Variants in RADIL observed in about 807,000 individuals in gnomAD.
RADIL encodes ras-associating and dilute domain-containing protein.
A neutral mutation model predicts 97.6 loss-of-function variants in RADIL; 99 were observed. The observed-to-expected ratio is 1.01, with a 90% confidence interval of 0.86 to 1.20. The LOEUF (loss-of-function observed/expected upper bound fraction) is 1.20. Ranked by LOEUF, RADIL falls within the 50% of genes most tolerant of loss-of-function variation. The pLI is 0.00. For missense variants in RADIL, 1,765 were observed against 1,498.9 expected (o/e 1.18, Z -2.93); for synonymous variants, 803 against 691.8 (o/e 1.16, Z -2.52).
At chr7:4,848,860 C>T (rs972915443) in intron 2 of RADIL, among the ~76,000 whole-genome samples, 19 of 152,008 alleles carry the variant, frequency 1.2e-4, no homozygotes, top group African/African-American at 1.9e-4. Flanking sequence ...GGAATTAGGC[C>T]GGGCATGGTG....
chr7:4,805,051 A>G (rs1333684190), intron 10 of RADIL, among the ~76,000 whole-genome samples: 6 of 150,944 alleles, frequency 4.0e-5, no homozygotes, highest in South Asian at 2.1e-4. Context: ...CTGAGATTGC[A>G]CCACTGCACT....
At chr7:4,865,945 G>C (rs1184161261) in intron 2 of RADIL, 4 of 579,158 alleles carry the variant, frequency 6.9e-6, no homozygotes, top group Non-Finnish European at 1.2e-5. Context: ...ATGTAACCTA[G>C]GAGCAATAGG....
intron 9 of RADIL, among the ~76,000 whole-genome samples, chr7:4,808,433 T>C (rs1349177314): frequency 1.3e-5 from 2 of 152,214 alleles, no homozygotes; most frequent in Admixed American, 1.3e-4. Context: ...TCTCCTTGAA[T>C]TGTCTGTTTC....
intron 2 of RADIL, chr7:4,859,721 A>T: frequency 1.7e-6 from 1 of 593,510 alleles, no homozygotes; most frequent in East Asian, 2.8e-5. Context: ...ATTTGCAGGG[A>T]GAACAGGGAT....
intron 2 of RADIL, among the ~76,000 whole-genome samples, chr7:4,841,158 G>T (rs943376023): frequency 6.6e-6 from 1 of 152,202 alleles, no homozygotes; most frequent in South Asian, 2.1e-4. Context: ...GCCAGAATAC[G>T]CCCATGTCTT....
At position 4,835,203 on chromosome 7, in the gene RADIL, T is replaced by A; in HGVS notation, c.820A>T (p.Thr274Ser). The A allele has an allele frequency of 6.2e-7, 1 of 1,611,878 alleles. No individual in the cohort carries two copies. ...CTGGAGGGGGTCCGCTGGCCCACCG[T>A]GTGCCGGTCCCGGTTGAGCACATAC... ...LVYVLNRDRH[T>S]VGQRTPSSKP... Residue 274 changes from threonine to serine, a missense_variant, in exon 4 of 15, where the codon ACG becomes TCG. Physicochemically the swap from Thr to Ser is moderately conservative, Grantham distance 58. Transcript: ENST00000399583. This position sits in a 1 kb window ranked among gnomAD's most constrained non-coding sequence, Gnocchi z 5.8.
In RADIL at chr7:4,797,440, G is replaced by GC. The variant is rs549223224; in HGVS notation, c.*1937dup. 263 of 152,336 alleles carry GC rather than the reference G, an allele frequency of 1.7e-3. 1 individual carries two copies. The highest frequency in any genetic ancestry group is 6.2e-3 in the African/African-American group (257 of 41,562). The allele number at this position is 152,336 out of a possible 1,614,324, so 9.4% of individuals were successfully genotyped here. A position where few individuals can be genotyped will look rare whatever the true frequency, so the allele number is the denominator to read the frequency against. The stretch of plus-strand genomic sequence containing the variant: ...GAATATTGCAGGGAAGAAGAGATAA[G>GC]CCCCCTTCTCTTTGTGGGAGGAACT... On this transcript the variant is annotated 3_prime_UTR_variant, in exon 15 of 15. Transcript: ENST00000399583.
Position 4,816,249 on chromosome 7 carries a change from G to A in RADIL, c.1945C>T (p.Leu649Phe), listed in dbSNP as rs867599885. 2 of 1,611,628 alleles carry A rather than the reference G, an allele frequency of 1.2e-6. No homozygotes were observed. The highest frequency in any genetic ancestry group is 1.7e-6 in the Non-Finnish European group (2 of 1,178,862). The change falls in exon 8 of 15, where the codon CTC becomes TTC. Residue 649 changes from leucine to phenylalanine, a missense_variant. Leu to Phe is a conservative substitution (Grantham distance 22). Transcript: ENST00000399583. ...YLFFFSGTLL[L>F]NQLLDRGPSL... ...TCACCCCTGTCGAGGAGCTGGTTGA[G>A]AAGCAGTGTCCCGGAGAAGAAGAAG...
intron 11 of RADIL, among the ~76,000 whole-genome samples, chr7:4,803,161 C>A (rs1169238463): frequency 5.7e-5 from 4 of 70,622 alleles, no homozygotes; most frequent in African/African-American, 3.8e-4. Context: ...GTCCCCTCCC[C>A]GGGCACCTCG....
In RADIL at chr7:4,821,066, G is replaced by A. The variant is rs868652000; in HGVS notation, c.1615+1328C>T. 9.8e-5 allele frequency among the ~76,000 whole-genome samples: 15 copies of A among 152,330 alleles called. No homozygotes were observed. The highest frequency in any genetic ancestry group is 4.1e-4 in the South Asian group (2 of 4,828). ...ATGGGGACACAGCTGAGTACACAGAGACCCCGCAGCGTCTGGTAGACTGAG... is the reference window on the plus strand; with the variant it reads ...ATGGGGACACAGCTGAGTACACAGAAACCCCGCAGCGTCTGGTAGACTGAG... On this transcript the variant is annotated intron_variant, in intron 6 of 14. Coordinates refer to ENST00000399583, the MANE Select transcript of RADIL (RefSeq NM_018059.5). This position sits in a 1 kb window ranked among gnomAD's most constrained non-coding sequence, Gnocchi z 5.2.
chr7:4,860,684 AT>A (rs1371634807), intron 2 of RADIL: 1 of 1,614,222 alleles, frequency 6.2e-7, no homozygotes, highest in East Asian at 2.2e-5. Flanking sequence ...CAGAAGTACA[AT>A]ATAATGCTTG....
chr7:4,826,021 T>A (rs1782966344), intron 5 of RADIL, among the ~76,000 whole-genome samples: 1 of 150,496 alleles, frequency 6.6e-6, no homozygotes, highest in Non-Finnish European at 1.5e-5. Context: ...AGCTAGAGGA[T>A]CACTTGAGTC....
rs1313423239 is a variant in RADIL at position 4,822,602 on chromosome 7, G to A, written c.1455-48C>T. 19 of 1,583,932 alleles carry A rather than the reference G, an allele frequency of 1.2e-5. No homozygotes were observed. Among genetic ancestry groups the A allele is most frequent in the Non-Finnish European group, 1.6e-5 (19 of 1,166,794 alleles). On this transcript the variant is annotated intron_variant, in intron 5 of 14. Coordinates refer to ENST00000399583, the MANE Select transcript of RADIL (RefSeq NM_018059.5). This position sits in a 1 kb window ranked among gnomAD's most constrained non-coding sequence, Gnocchi z 5.3. Reference sequence around the variant, plus strand: ...AGTTACGCGGGGACCCGACCCTCAGGAGGCTGAATCTACCACTCTTTCTAC... The same window carrying A: ...AGTTACGCGGGGACCCGACCCTCAGAAGGCTGAATCTACCACTCTTTCTAC...
chr7:4,837,848 C>T lies in RADIL; in HGVS notation c.536-1243G>A, dbSNP rs1056682955. 2.0e-5 allele frequency: 20 copies of T among 985,320 alleles called. No homozygotes were observed. The African/African-American group carries it at 3.0e-4, about 15-fold the overall frequency. The allele number at this position is 985,320 out of a possible 1,614,324, so 61.0% of individuals were successfully genotyped here. A position where few individuals can be genotyped will look rare whatever the true frequency, so the allele number is the denominator to read the frequency against. ...GCTCACCAGTCCCCAGCTGACCCGG[C>T]GCTGTCTTTTCTGAGCCCTCTGCTG... On this transcript the variant is annotated intron_variant, in intron 2 of 14. Transcript: ENST00000399583. This position sits in a 1 kb window ranked among gnomAD's most constrained non-coding sequence, Gnocchi z 5.6.
chr7:4,881,552 C>T (rs1187155147), intron 1 of RADIL, among the ~76,000 whole-genome samples: 1 of 151,410 alleles, frequency 6.6e-6, no homozygotes, highest in Admixed American at 6.6e-5. Flanking sequence ...CATGGTGAAA[C>T]CCTGTCTCCA....
At chr7:4,860,525 G>C in intron 2 of RADIL, 2 of 1,614,150 alleles carry the variant, frequency 1.2e-6, no homozygotes, top group African/African-American at 1.3e-5. Context: ...TTCCATATCA[G>C]GATTTTCTTT....
intron 9 of RADIL, chr7:4,805,936 C>T (rs1195289718): frequency 9.1e-6 from 9 of 985,278 alleles, no homozygotes; most frequent in African/African-American, 5.2e-5. Context: ...CCAGTGCCAT[C>T]GGGAACCCCC....
intron 2 of RADIL, 57 bp downstream of exon 2, chr7:4,877,548 G>A: frequency 2.0e-6 from 3 of 1,527,036 alleles, no homozygotes; most frequent in Non-Finnish European, 2.6e-6. Flanking sequence ...GCCTACCTCG[G>A]CTGGCCTTCT....
Position 4,814,597 on chromosome 7 carries a change from G to A in RADIL, c.2139+681C>T, listed in dbSNP as rs191356518. On this transcript the variant is annotated intron_variant, in intron 9 of 14. Coordinates refer to ENST00000399583, the MANE Select transcript of RADIL (RefSeq NM_018059.5). This position sits in a 1 kb window ranked among gnomAD's most constrained non-coding sequence, Gnocchi z 4.5. ...GGTGGTGAGCAGCGAGGGAAGCAGG[G>A]AGGGGCATGTCGGTTTCCCATTGCC... Among the ~76,000 whole-genome samples the A allele has an allele frequency of 2.8e-4, 43 of 152,328 alleles. No homozygotes were observed. The East Asian group carries it at 8.3e-3, about 29-fold the overall frequency.
Sources: allele counts gnomAD v4.1 joint callset (sites outside exome capture counted in the v4.1 genomes callset), GRCh38; gene constraint gnomAD v4.1.1; non-coding constraint Gnocchi (gnomAD v3.1); transcripts MANE v1.5; gene names NCBI Gene and HGNC (gene_info 2026-07-23, HGNC 2026-07-21).